PCLO: variants seen among roughly 807,000 people sequenced by gnomAD.
PCLO encodes protein piccolo.
Under a neutral mutation model 427.5 loss-of-function variants are expected in PCLO, and 82 were observed. The ratio of observed to expected loss-of-function variants is 0.19; its 90% CI spans 0.16 to 0.23. The LOEUF (loss-of-function observed/expected upper bound fraction) is 0.23. Among genes scored for constraint, PCLO ranks in the 10% least tolerant of loss-of-function variants. The probability of loss-of-function intolerance (pLI) is 1.00; values close to 1 mark genes in which losing one functional copy is unlikely to be tolerated. For missense variants in PCLO, 6,239 were observed against 6,115.9 expected (o/e 1.02, Z -0.67); for synonymous variants, 2,357 against 2,155.4 (o/e 1.09, Z -2.59).
chr7:82,964,396 G>T (rs1795719237), intron 4 of PCLO, among the ~76,000 whole-genome samples: 1 of 151,986 alleles, frequency 6.6e-6, no homozygotes, highest in South Asian at 2.1e-4. Flanking sequence ...CTTTGAAGTA[G>T]AACTACTGAC....
At chr7:82,765,771 A>G (rs958549444) in intron 22 of PCLO, among the ~76,000 whole-genome samples, 1 of 152,216 alleles carries the variant, frequency 6.6e-6, no homozygotes, top group African/African-American at 2.4e-5. Flanking sequence ...AAACAAGTCC[A>G]TTAAAAATCT....
intron 6 of PCLO, among the ~76,000 whole-genome samples, chr7:82,943,254 T>G (rs1795124794): frequency 6.6e-6 from 1 of 152,166 alleles, no homozygotes; most frequent in African/African-American, 2.4e-5. Context: ...AAGATTTTAA[T>G]AAGAAGTTTG....
At position 82,951,744 on chromosome 7, in the gene PCLO, G is replaced by A; in HGVS notation, c.9097+112C>T. On this transcript the variant is annotated intron_variant, in intron 5 of 24. Coordinates refer to ENST00000333891, the MANE Select transcript of PCLO (RefSeq NM_033026.6). ...AAAATATGCTGCTATAACATCCAAA[G>A]AAAGAGAAAAAGTAACAAAACTGGA... 2.8e-6 allele frequency: 4 copies of A among 1,426,192 alleles called. No homozygotes were observed. The South Asian group carries it at 5.9e-5, about 21-fold the overall frequency. The allele number at this position is 1,426,192 out of a possible 1,614,324, so 88.3% of individuals were successfully genotyped here. A position where few individuals can be genotyped will look rare whatever the true frequency, so the allele number is the denominator to read the frequency against.
intron 6 of PCLO, among the ~76,000 whole-genome samples, chr7:82,931,121 C>A (rs1426030090): frequency 6.6e-6 from 1 of 152,068 alleles, no homozygotes; most frequent in Non-Finnish European, 1.5e-5. Flanking sequence ...GATTTGTTCT[C>A]ATTATTTTAC....
At chr7:82,920,671 C>A (rs560378517) in intron 6 of PCLO, among the ~76,000 whole-genome samples, 160 of 151,664 alleles carry the variant, frequency 1.1e-3, no homozygotes, top group Middle Eastern at 3.4e-3. Flanking sequence ...TTATATAATG[C>A]AATTTATACC....
chr7:83,144,993 TAGAGAG>T (rs986722530), intron 2 of PCLO, among the ~76,000 whole-genome samples: 9 of 152,190 alleles, frequency 5.9e-5, no homozygotes, highest in African/African-American at 2.2e-4. Flanking sequence ...ATTTTTTTAT[TAGAGAG>T]AGAAAGAATA....
chr7:83,120,402 GAAAA>G lies in PCLO; in HGVS notation c.3300+13844_3300+13847del, dbSNP rs35143407. ...GGTGTTGGAGTGAGACTCTGCCTCA[GAAAA>G]AAAAAAAAAAAAAAAGTTTATTCAA... On this transcript the variant is annotated intron_variant, in intron 3 of 24. Transcript: ENST00000333891. 3.0e-3 allele frequency among the ~76,000 whole-genome samples: 245 copies of G among 80,788 alleles called. 2 individuals are homozygous for G. The highest frequency in any genetic ancestry group is 0.01 in the African/African-American group (229 of 22,242). 53.0% of individuals were successfully genotyped at this position (80,788 alleles called of 152,430 possible). A position where few individuals can be genotyped will look rare whatever the true frequency, so the allele number is the denominator to read the frequency against.
intron 3 of PCLO, among the ~76,000 whole-genome samples, chr7:83,074,193 T>C (rs1361707898): frequency 6.6e-6 from 1 of 151,952 alleles, no homozygotes; most frequent in Non-Finnish European, 1.5e-5. Flanking sequence ...GAAATACATT[T>C]ACTATTTTTT....
rs916924795 is a variant in PCLO at position 82,919,134 on chromosome 7, T to C, written c.11113-2261A>G. On this transcript the variant is annotated intron_variant, in intron 6 of 24. Coordinates refer to ENST00000333891, the MANE Select transcript of PCLO (RefSeq NM_033026.6). ...CTGACCAATCACTATACTTGTCATATGCTCTTATGTATTGATGGGTGCCGC... is the reference window on the plus strand; with the variant it reads ...CTGACCAATCACTATACTTGTCATACGCTCTTATGTATTGATGGGTGCCGC... Among the ~76,000 whole-genome samples, 12 of 152,154 alleles carry C rather than the reference T, an allele frequency of 7.9e-5. No individual in the cohort carries two copies. The South Asian group carries it at 2.1e-3, about 26-fold the overall frequency.
At chr7:82,794,520 A>C (rs1791184973) in intron 22 of PCLO, among the ~76,000 whole-genome samples, 1 of 91,184 alleles carries the variant, frequency 1.1e-5, no homozygotes, top group South Asian at 4.3e-4. Context: ...CATCCAGGCT[A>C]GAGTGCAGTG....
intron 22 of PCLO, among the ~76,000 whole-genome samples, chr7:82,770,729 G>A (rs572988329): frequency 6.6e-6 from 1 of 151,614 alleles, no homozygotes; most frequent in South Asian, 2.1e-4. Flanking sequence ...AAAGATCAAA[G>A]GCCTTCTGAC....
chr7:82,936,078 G>A (rs551071359), intron 6 of PCLO, among the ~76,000 whole-genome samples: 7 of 151,728 alleles, frequency 4.6e-5, no homozygotes, highest in South Asian at 2.1e-4. Context: ...AGTAGACCTC[G>A]TAGATACATA....
intron 3 of PCLO, among the ~76,000 whole-genome samples, chr7:83,096,956 A>ATATT (rs1268829569): frequency 2.1e-5 from 1 of 47,190 alleles, no homozygotes; most frequent in Non-Finnish European, 3.0e-5. Flanking sequence ...TTATATAAAT[A>ATATT]ATATAATATA....
intron 3 of PCLO, among the ~76,000 whole-genome samples, chr7:82,967,729 A>T (rs987434458): frequency 1.3e-5 from 2 of 152,214 alleles, no homozygotes; most frequent in Admixed American, 6.5e-5. Flanking sequence ...TTATGTTAGA[A>T]TAATACTATT....
intron 3 of PCLO, among the ~76,000 whole-genome samples, chr7:83,034,084 G>T (rs1788734976): frequency 6.6e-6 from 1 of 152,006 alleles, no homozygotes; most frequent in African/African-American, 2.4e-5. Flanking sequence ...ATACAGTTAA[G>T]AAAAAAATCA....
At position 82,952,946 on chromosome 7, in the gene PCLO, A is replaced by T; in HGVS notation, c.8007T>A (p.Phe2669Leu). ...CAGTCTTGGAAACTTCAGTAGTGAG[A>T]AACTGTGTAACTGATGTGGGAGCTG... ...FQAAPTSVTQFLTTEVSKTEV... is the reference protein window; with the variant it reads ...FQAAPTSVTQLLTTEVSKTEV... The change falls in exon 5 of 25, where the codon TTT becomes TTA. Residue 2669 changes from phenylalanine (F) to leucine (L), a missense_variant. By Grantham distance (22) the Phe-to-Leu change is conservative. Transcript: ENST00000333891. 6.2e-7 allele frequency: 1 copy of T among 1,613,934 alleles called. No individual in the cohort carries two copies.
At chr7:82,772,613 G>A (rs1790669965) in intron 22 of PCLO, among the ~76,000 whole-genome samples, 1 of 152,108 alleles carries the variant, frequency 6.6e-6, no homozygotes, top group Non-Finnish European at 1.5e-5. Context: ...TTCTGTGAAA[G>A]TAGGACAAGC....
At chr7:82,963,721 T>TAG (rs1795703244) in intron 4 of PCLO, among the ~76,000 whole-genome samples, 1 of 152,116 alleles carries the variant, frequency 6.6e-6, no homozygotes, top group Non-Finnish European at 1.5e-5. Context: ...TGATCAAATG[T>TAG]ATCTGTATTT....
chr7:83,040,029 T>G (rs2116205445), intron 3 of PCLO, among the ~76,000 whole-genome samples: 1 of 152,290 alleles, frequency 6.6e-6, no homozygotes, highest in East Asian at 1.9e-4. Context: ...GCAGCATTGC[T>G]GAACTTGCCT....
Sources: allele counts gnomAD v4.1 joint callset (sites outside exome capture counted in the v4.1 genomes callset), GRCh38; gene constraint gnomAD v4.1.1; transcripts MANE v1.5; gene names NCBI Gene and HGNC (gene_info 2026-07-23, HGNC 2026-07-21).